Variants in GRIN2B observed in about 807,000 individuals in gnomAD.
GRIN2B encodes the protein glutamate receptor ionotropic, NMDA 2B.
GRIN2B carries 5 observed loss-of-function variants against 114.5 expected under a neutral mutation model. The observed-to-expected ratio is 0.04, with a 90% CI of 0.02 to 0.09. The LOEUF is 0.09. Among genes scored for constraint, GRIN2B ranks in the 10% least tolerant of loss-of-function variants. The pLI is 1.00. For synonymous variants in GRIN2B, 787 were observed against 745.1 expected, an observed-to-expected ratio of 1.06 and a Z score of -0.92; for missense variants, 1,108 against 1,943.5, an observed-to-expected ratio of 0.57 and a Z score of 8.08.
chr12:13,654,084 G>A (rs907192967), intron 5 of GRIN2B, among the ~76,000 whole-genome samples: 3 of 152,138 alleles, frequency 2.0e-5, no homozygotes, highest in Non-Finnish European at 4.4e-5. Context: ...TTTTCTGTCT[G>A]TGACCCAAAA....
At chr12:13,766,995 G>A (rs1236403702) in intron 3 of GRIN2B, among the ~76,000 whole-genome samples, 4 of 152,162 alleles carry the variant, frequency 2.6e-5, no homozygotes, top group African/African-American at 9.7e-5. Flanking sequence ...GGTGGCTCAC[G>A]CCTGTAATCC....
At chr12:13,614,620 C>A (rs1209207145) in intron 8 of GRIN2B, among the ~76,000 whole-genome samples, 1 of 152,152 alleles carries the variant, frequency 6.6e-6, no homozygotes, top group Non-Finnish European at 1.5e-5. Context: ...GGCAAAGCCT[C>A]AGAAAATTTG....
At chr12:13,609,727 C>T (rs1406519729) in intron 9 of GRIN2B, among the ~76,000 whole-genome samples, 1 of 150,670 alleles carries the variant, frequency 6.6e-6, no homozygotes, top group Non-Finnish European at 1.5e-5. Flanking sequence ...GAGCTGAGAT[C>T]GCGCCACTGC....
At chr12:13,861,952 C>T (rs530863368) in intron 3 of GRIN2B, among the ~76,000 whole-genome samples, 3 of 152,282 alleles carry the variant, frequency 2.0e-5, no homozygotes, top group Non-Finnish European at 2.9e-5. Flanking sequence ...ATTTAATCCT[C>T]GACAACCCTG....
At chr12:13,971,142 G>A (rs185792648) in intron 2 of GRIN2B, among the ~76,000 whole-genome samples, 13 of 152,292 alleles carry the variant, frequency 8.5e-5, no homozygotes, top group African/African-American at 2.6e-4. Context: ...AGGAGTATGC[G>A]TCTTAGTTTT....
At chr12:13,855,632 T>C (rs1379717238) in intron 3 of GRIN2B, among the ~76,000 whole-genome samples, 5 of 152,190 alleles carry the variant, frequency 3.3e-5, no homozygotes, top group African/African-American at 1.2e-4. Flanking sequence ...TCTCTTTATA[T>C]GGGCTTCTCC....
intron 3 of GRIN2B, among the ~76,000 whole-genome samples, chr12:13,854,325 C>T (rs1865622675): frequency 1.3e-5 from 2 of 152,220 alleles, no homozygotes; most frequent in East Asian, 1.9e-4. Flanking sequence ...GCCTGGCCAA[C>T]ATGGTGAAAC....
At chr12:13,661,925 C>CAG (rs2136527638) in intron 5 of GRIN2B, among the ~76,000 whole-genome samples, 1 of 152,196 alleles carries the variant, frequency 6.6e-6, no homozygotes, top group South Asian at 2.1e-4. Flanking sequence ...TGTTGACTGC[C>CAG]AGTTTATGAC....
intron 3 of GRIN2B, among the ~76,000 whole-genome samples, chr12:13,788,390 T>C (rs936108221): frequency 2.0e-5 from 3 of 152,196 alleles, no homozygotes; most frequent in Admixed American, 2.0e-4. Flanking sequence ...ATTATAACCA[T>C]TACTGATACT....
intron 3 of GRIN2B, among the ~76,000 whole-genome samples, chr12:13,849,193 GACAAGA>G (rs1318598416): frequency 1.3e-5 from 2 of 151,842 alleles, no homozygotes; most frequent in Non-Finnish European, 2.9e-5. Context: ...AGGCAAGCAG[GACAAGA>G]ACTGGGACTC....
intron 4 of GRIN2B, among the ~76,000 whole-genome samples, chr12:13,691,441 T>C (rs1950214435): frequency 6.6e-6 from 1 of 152,212 alleles, no homozygotes; most frequent in African/African-American, 2.4e-5. Flanking sequence ...ACTTAATCCC[T>C]GTGAAAGCAA....
intron 9 of GRIN2B, among the ~76,000 whole-genome samples, chr12:13,610,521 A>C (rs1805481): frequency 0.36 from 54,691 of 152,062 alleles, 11,316 homozygotes; most frequent in East Asian, 0.81. Context: ...TGGATGAAGC[A>C]CAGGTGGAAG....
At chr12:13,623,535 C>A (rs1415652771) in intron 5 of GRIN2B, among the ~76,000 whole-genome samples, 5 of 152,344 alleles carry the variant, frequency 3.3e-5, no homozygotes, top group African/African-American at 7.2e-5. Context: ...CATCTCCTTG[C>A]CTCACAGTGA....
intron 2 of GRIN2B, among the ~76,000 whole-genome samples, chr12:13,866,465 C>T (rs931488558): frequency 6.6e-6 from 1 of 152,176 alleles, no homozygotes; most frequent in African/African-American, 2.4e-5. Flanking sequence ...TTGCTATAGT[C>T]ATTGGCAGCT....
At chr12:13,742,965 TG>T (rs1378436835) in intron 4 of GRIN2B, among the ~76,000 whole-genome samples, 1 of 152,182 alleles carries the variant, frequency 6.6e-6, no homozygotes, top group Non-Finnish European at 1.5e-5. Flanking sequence ...ATCTTAGGCA[TG>T]GGGATGAAGG....
At chr12:13,932,021 C>T (rs1867043582) in intron 2 of GRIN2B, among the ~76,000 whole-genome samples, 1 of 152,234 alleles carries the variant, frequency 6.6e-6, no homozygotes, top group Non-Finnish European at 1.5e-5. Context: ...TTCCATCACA[C>T]TTAGAATAAA....
intron 2 of GRIN2B, among the ~76,000 whole-genome samples, chr12:13,948,705 T>A (rs1867413686): frequency 6.6e-6 from 1 of 152,186 alleles, no homozygotes; most frequent in Non-Finnish European, 1.5e-5. Flanking sequence ...GTAGGTTACA[T>A]TAATCTCATC....
At chr12:13,656,622 C>T (rs1399901907) in intron 5 of GRIN2B, among the ~76,000 whole-genome samples, 10 of 152,172 alleles carry the variant, frequency 6.6e-5, no homozygotes, top group Non-Finnish European at 1.0e-4. Flanking sequence ...TGGAAAAATT[C>T]AACCTCCCTT....
intron 4 of GRIN2B, among the ~76,000 whole-genome samples, chr12:13,750,956 T>C (rs996811003): frequency 6.6e-6 from 1 of 152,228 alleles, no homozygotes; most frequent in African/African-American, 2.4e-5. Context: ...AATCTTATTC[T>C]GAAGCTCAGG....
Sources: allele counts gnomAD v4.1 joint callset (sites outside exome capture counted in the v4.1 genomes callset), GRCh38; gene constraint gnomAD v4.1.1; transcripts MANE v1.5; gene names NCBI Gene and HGNC (gene_info 2026-07-23, HGNC 2026-07-21).